The following UNC50 variants were observed in gnomAD, a reference collection of about 807,000 sequenced individuals.
The protein encoded by UNC50 is protein unc-50 homolog.
UNC50 carries 24 observed loss-of-function variants against 31.5 expected under a neutral mutation model. The ratio of observed to expected loss-of-function variants is 0.76; its 90% CI spans 0.55 to 1.07. The LOEUF (loss-of-function observed/expected upper bound fraction) is 1.07. Ranked by LOEUF, UNC50 falls within the 50% of genes least tolerant of loss-of-function variation. The pLI, the probability that UNC50 is intolerant of heterozygous loss-of-function variation, is 0.00. For synonymous variants in UNC50, 118 were observed against 114.7 expected (o/e 1.03, Z -0.18); for missense variants, 245 against 304.2 (o/e 0.81, Z 1.45).
At chr2:98,613,709 A>G (rs1700876099) in intron 3 of UNC50, among the ~76,000 whole-genome samples, 1 of 152,244 alleles carries the variant, frequency 6.6e-6, no homozygotes, top group Non-Finnish European at 1.5e-5. Flanking sequence ...CAGGCACAGA[A>G]GGGGACCAAA....
chr2:98,618,384 T>G lies in UNC50; in HGVS notation c.*80T>G. ...TTTCTTGTAAAACTTGTAAATAAAC[T>G]ATCATCTTTGTAGATATCTTAAAGG... is the stretch of plus-strand genomic sequence containing the variant. On this transcript the variant is annotated 3_prime_UTR_variant, in exon 6 of 6. Coordinates refer to ENST00000357765, the MANE Select transcript of UNC50 (RefSeq NM_014044.7). 7.0e-7 allele frequency: 1 copy of G among 1,435,354 alleles called. No individual in the cohort carries two copies. The allele number at this position is 1,435,354 out of a possible 1,614,324, so 88.9% of individuals were successfully genotyped here. A position where few individuals can be genotyped will look rare whatever the true frequency, so the allele number is the denominator to read the frequency against.
rs778120480 is a variant in UNC50 at position 98,610,749 on chromosome 2, A to G, written c.281-26A>G. 1.3e-5 allele frequency: 21 copies of G among 1,612,188 alleles called. No homozygotes were observed. In the Admixed American group the frequency reaches 2.0e-4, roughly 15 times the overall value. On this transcript the variant is annotated intron_variant, in intron 2 of 5. Transcript: ENST00000357765. ...TTCCAGAACCTAGCAGAGTCCCTAA[A>G]TGAATCTTGTGAATCTTTCTTTCAG...
intron 3 of UNC50, among the ~76,000 whole-genome samples, chr2:98,612,705 A>C (rs1332669420): frequency 6.6e-6 from 1 of 152,210 alleles, no homozygotes; most frequent in Non-Finnish European, 1.5e-5. Flanking sequence ...CACCGCGCCC[A>C]GCCAATACCA....
intron 5 of UNC50, among the ~76,000 whole-genome samples, chr2:98,617,357 T>G (rs888435054): frequency 1.5e-4 from 23 of 152,178 alleles, no homozygotes; most frequent in Non-Finnish European, 2.4e-4. Flanking sequence ...AGGGAACACT[T>G]AACCCCTTCA....
intron 3 of UNC50, among the ~76,000 whole-genome samples, chr2:98,614,608 C>T (rs1401846362): frequency 6.6e-6 from 1 of 152,168 alleles, no homozygotes; most frequent in Admixed American, 6.5e-5. Flanking sequence ...GCACATCTGT[C>T]TTTCAGAGGA....
intron 5 of UNC50, among the ~76,000 whole-genome samples, chr2:98,617,091 T>C (rs1700935990): frequency 6.6e-6 from 1 of 152,220 alleles, no homozygotes; most frequent in Non-Finnish European, 1.5e-5. Context: ...TGTTTGCAGA[T>C]TTACTGTTAA....
intron 5 of UNC50, 76 bp from the exon 6 acceptor site, chr2:98,618,092 G>GTCTT (rs1242913030): frequency 5.8e-6 from 8 of 1,387,268 alleles, no homozygotes; most frequent in African/African-American, 1.5e-5. Context: ...GAAGTAAGCT[G>GTCTT]TCTTTCAAAA....
intron 3 of UNC50, among the ~76,000 whole-genome samples, chr2:98,613,810 T>C: frequency 6.6e-6 from 1 of 152,216 alleles, no homozygotes; most frequent in East Asian, 1.9e-4. Flanking sequence ...GAACCTATGT[T>C]GTGTGAGGAA....
At chr2:98,609,227 TA>T in intron 1 of UNC50, 1 of 159,074 alleles carries the variant, frequency 6.3e-6, no homozygotes, top group South Asian at 1.7e-4. Context: ...ATTCCGGATG[TA>T]AAACACTAGG....
intron 3 of UNC50, among the ~76,000 whole-genome samples, chr2:98,611,214 G>A (rs1212770671): frequency 2.0e-5 from 3 of 152,224 alleles, no homozygotes; most frequent in Non-Finnish European, 4.4e-5. Flanking sequence ...CACAGCCTTA[G>A]GAGGTCCTGA....
At position 98,610,408 on chromosome 2, in the gene UNC50, T is replaced by C. The variant is rs76217083; in HGVS notation, c.281-367T>C. 6.9e-4 allele frequency among the ~76,000 whole-genome samples: 105 copies of C among 152,342 alleles called. 2 individuals carry two copies. In the East Asian group the frequency reaches 0.01, roughly 15 times the overall value. Reference sequence around the variant, plus strand: ...AGGTATTGATGGGAACCTGAGAAACTGAAGTTCTCCAATTCCATAATGCAA... The same window carrying C: ...AGGTATTGATGGGAACCTGAGAAACCGAAGTTCTCCAATTCCATAATGCAA... On this transcript the variant is annotated intron_variant, in intron 2 of 5. Coordinates refer to ENST00000357765, the MANE Select transcript of UNC50 (RefSeq NM_014044.7).
intron 3 of UNC50, among the ~76,000 whole-genome samples, chr2:98,611,777 T>C (rs1479282316): frequency 1.3e-5 from 2 of 152,236 alleles, no homozygotes; most frequent in Non-Finnish European, 2.9e-5. Flanking sequence ...CATTTGTCAA[T>C]AGAGACCACT....
rs538570943 is a variant in UNC50, at chr2:98,608,680, G to C, written c.-51G>C. 270 of 514,694 alleles carry C rather than the reference G, an allele frequency of 5.2e-4. 2 individuals carry two copies. The South Asian group carries it at 5.3e-3, about 10-fold the overall frequency. The allele number at this position is 514,694 out of a possible 1,614,324, so 31.9% of individuals were successfully genotyped here. On this transcript the variant is annotated 5_prime_UTR_variant, in exon 1 of 6. Coordinates refer to ENST00000357765, the MANE Select transcript of UNC50 (RefSeq NM_014044.7). ...GGCTGGGGTCGGCTGCTGGGAGGAG[G>C]TGGTGGGCTGGTTCGGACGTGGGTC...
intron 1 of UNC50, 43 bp from the exon 2 acceptor site, chr2:98,609,713 T>C: frequency 6.2e-7 from 1 of 1,610,368 alleles, no homozygotes; most frequent in Non-Finnish European, 8.5e-7. Context: ...AGCCAAATGT[T>C]TCTTCAGAAT....
intron 3 of UNC50, among the ~76,000 whole-genome samples, chr2:98,614,994 G>C (rs373773981): frequency 3.9e-5 from 6 of 152,232 alleles, no homozygotes; most frequent in African/African-American, 1.4e-4. Flanking sequence ...TACAAGTTTT[G>C]TTCTTTGAAG....
intron 3 of UNC50, among the ~76,000 whole-genome samples, chr2:98,614,033 C>T (rs1175714327): frequency 1.3e-5 from 2 of 152,162 alleles, no homozygotes; most frequent in African/African-American, 4.8e-5. Context: ...AGAAATTGGC[C>T]TTCATGCCAT....
chr2:98,611,210 C>A (rs1700822588), intron 3 of UNC50, among the ~76,000 whole-genome samples: 1 of 152,178 alleles, frequency 6.6e-6, no homozygotes, highest in Middle Eastern at 3.2e-3. Context: ...GTGACACAGC[C>A]TTAGGAGGTC....
At chr2:98,611,418 T>C (rs1700826810) in intron 3 of UNC50, among the ~76,000 whole-genome samples, 1 of 152,246 alleles carries the variant, frequency 6.6e-6, no homozygotes, top group Admixed American at 6.5e-5. Context: ...ATACACAATT[T>C]ACTTGTGAGA....
At position 98,609,822 on chromosome 2, in the gene UNC50, T is replaced by A. The variant is rs748026590; in HGVS notation, c.63T>A (p.Asp21Glu). 1.2e-6 allele frequency: 2 copies of A among 1,614,106 alleles called. No individual in the cohort carries two copies. The highest frequency in any genetic ancestry group is 4.5e-5 in the East Asian group (2 of 44,898). Residue 21 changes from aspartate (D) to glutamate (E), a missense_variant, in exon 2 of 6, where the codon GAT (aspartate) becomes GAA (glutamate). By Grantham distance (45) the Asp-to-Glu change is conservative. Coordinates refer to ENST00000357765, the MANE Select transcript of UNC50 (RefSeq NM_014044.7). Reference sequence around the variant, plus strand: ...GGAACGGAGTCTTGAATTCCAGGGATGCGGCAAGACACACAGCCGGAGCGA... The same window carrying A: ...GGAACGGAGTCTTGAATTCCAGGGAAGCGGCAAGACACACAGCCGGAGCGA... ...VQGNGVLNSR[D>E]AARHTAGAKR...
Sources: gnomAD v4.1 joint callset for allele counts (sites outside exome capture counted in the v4.1 genomes callset) on GRCh38, gnomAD v4.1.1 for gene constraint, MANE v1.5 for transcripts, NCBI Gene and HGNC (gene_info 2026-07-23, HGNC 2026-07-21) for gene names.